The following SSBP2 variants were observed in gnomAD, a reference collection of about 807,000 sequenced individuals.
The protein encoded by SSBP2 is single stranded DNA binding protein 2, also known as single-stranded DNA-binding protein 2.
In SSBP2, 17 loss-of-function variants were observed where a neutral mutation model predicts 61.8. The ratio of observed to expected loss-of-function variants is 0.28; its 90% CI spans 0.19 to 0.41. The LOEUF is 0.41. Ranked by LOEUF, SSBP2 falls within the 10% of genes least tolerant of loss-of-function variation. The pLI, the probability that SSBP2 is intolerant of heterozygous loss-of-function variation, is 1.00. For synonymous variants in SSBP2, 139 were observed against 141.3 expected, an observed-to-expected ratio of 0.98 and a Z score of 0.12; for missense variants, 310 against 458.7, an observed-to-expected ratio of 0.68 and a Z score of 2.96.
intron 3 of SSBP2, among the ~76,000 whole-genome samples, chr5:81,623,617 G>C (rs1313137605): frequency 2.6e-5 from 4 of 151,918 alleles, no homozygotes; most frequent in African/African-American, 9.7e-5. Flanking sequence ...TTACAGGCTT[G>C]AGCCACCGCG....
At chr5:81,461,221 C>A in intron 9 of SSBP2, 118 bp from the exon 10 acceptor site, 1 of 681,656 alleles carries the variant, frequency 1.5e-6, no homozygotes, top group Non-Finnish European at 2.2e-6. Context: ...TCTAGTTTGG[C>A]ACTGAAATTA....
intron 3 of SSBP2, among the ~76,000 whole-genome samples, chr5:81,620,425 C>T (rs1285628844): frequency 6.6e-6 from 1 of 151,718 alleles, no homozygotes; most frequent in Non-Finnish European, 1.5e-5. Flanking sequence ...TCAAGGAGAA[C>T]CACAAACCAC....
chr5:81,679,447 G>A (rs1752227615), intron 1 of SSBP2, among the ~76,000 whole-genome samples: 1 of 152,176 alleles, frequency 6.6e-6, no homozygotes, highest in Non-Finnish European at 1.5e-5. Context: ...AGGAATGAGA[G>A]GAAGGAATTA....
At chr5:81,460,961 C>A (rs909256196) in intron 10 of SSBP2, 94 bp downstream of exon 10, 1 of 679,070 alleles carries the variant, frequency 1.5e-6, no homozygotes, top group Non-Finnish European at 2.2e-6. Flanking sequence ...TTACTACAAC[C>A]AATTGCAAAG....
intron 1 of SSBP2, among the ~76,000 whole-genome samples, chr5:81,734,336 C>T (rs1756456646): frequency 6.6e-6 from 1 of 152,124 alleles, no homozygotes; most frequent in African/African-American, 2.4e-5. Flanking sequence ...TCTTAAAGGG[C>T]TGGCAAAACT....
chr5:81,642,536 C>A (rs183279223), intron 2 of SSBP2, among the ~76,000 whole-genome samples: 1 of 152,172 alleles, frequency 6.6e-6, no homozygotes, highest in East Asian at 1.9e-4. Flanking sequence ...GAATCATGAA[C>A]AAAAGGTATA....
In SSBP2 at chr5:81,448,830, A is replaced by T. The variant is rs777065668; in HGVS notation, c.688-5T>A. On this transcript the variant is annotated splice_region_variant and splice_polypyrimidine_tract_variant and intron_variant, in intron 10 of 16. Transcript: ENST00000320672. ...AGATGCTGAGGAGTATGGTATCTGGAACACGAATAGGACAAAAAAATTTTT... is the reference window on the plus strand; with the variant it reads ...AGATGCTGAGGAGTATGGTATCTGGTACACGAATAGGACAAAAAAATTTTT... 1 of 1,612,596 alleles carries T rather than the reference A, an allele frequency of 6.2e-7. No individual in the cohort carries two copies. Among genetic ancestry groups the T allele is most frequent in the African/African-American group, 1.3e-5 (1 of 74,878 alleles).
intron 6 of SSBP2, among the ~76,000 whole-genome samples, chr5:81,482,425 T>C (rs1432582624): frequency 6.6e-6 from 1 of 152,130 alleles, no homozygotes; most frequent in East Asian, 1.9e-4. Flanking sequence ...CTTCCAACAG[T>C]TTAGTGTAGT....
intron 8 of SSBP2, among the ~76,000 whole-genome samples, chr5:81,470,419 A>G (rs1478558968): frequency 6.6e-6 from 1 of 151,870 alleles, no homozygotes; most frequent in Non-Finnish European, 1.5e-5. Context: ...TAGATTTAAA[A>G]TAGATTAAGG....
At chr5:81,604,572 A>G (rs1744696993) in intron 4 of SSBP2, among the ~76,000 whole-genome samples, 1 of 152,120 alleles carries the variant, frequency 6.6e-6, no homozygotes, top group Non-Finnish European at 1.5e-5. Context: ...AAAAATTTTT[A>G]GCTGATCCAA....
intron 1 of SSBP2, among the ~76,000 whole-genome samples, chr5:81,731,183 T>A (rs1483859981): frequency 6.6e-6 from 1 of 152,212 alleles, no homozygotes; most frequent in Non-Finnish European, 1.5e-5. Context: ...ACAATATCTA[T>A]CTCATTGGGA....
intron 4 of SSBP2, among the ~76,000 whole-genome samples, chr5:81,594,508 G>A (rs1372425252): frequency 2.6e-5 from 4 of 152,116 alleles, no homozygotes; most frequent in Admixed American, 2.0e-4. Context: ...GACATTTACA[G>A]AACTCTCCAC....
intron 10 of SSBP2, among the ~76,000 whole-genome samples, chr5:81,453,035 G>A (rs191368020): frequency 6.2e-4 from 94 of 152,062 alleles, no homozygotes; most frequent in African/African-American, 2.2e-3. Context: ...CAGCTCACAC[G>A]TGTAATCCCA....
intron 1 of SSBP2, among the ~76,000 whole-genome samples, chr5:81,680,251 G>A (rs1250582121): frequency 6.7e-6 from 1 of 150,226 alleles, no homozygotes; most frequent in Non-Finnish European, 1.5e-5. Context: ...ATAATCATAT[G>A]AGCCAATCCC....
chr5:81,488,390 CTT>C (rs1362456845), intron 6 of SSBP2, among the ~76,000 whole-genome samples: 1 of 151,912 alleles, frequency 6.6e-6, no homozygotes, highest in East Asian at 1.9e-4. Flanking sequence ...CTTGTTATCT[CTT>C]GTCTTTTTGA....
chr5:81,626,990 T>A (rs1747232706), intron 3 of SSBP2, among the ~76,000 whole-genome samples: 1 of 152,200 alleles, frequency 6.6e-6, no homozygotes, highest in Non-Finnish European at 1.5e-5. Context: ...AAATGTTATG[T>A]ATTTTACAGT....
chr5:81,474,901 T>G (rs1038750633), intron 6 of SSBP2, among the ~76,000 whole-genome samples: 2 of 152,168 alleles, frequency 1.3e-5, no homozygotes, highest in Admixed American at 6.5e-5. Flanking sequence ...AATAACTAAT[T>G]TTGCTTCTTA....
intron 8 of SSBP2, among the ~76,000 whole-genome samples, chr5:81,471,327 C>G (rs1296147714): frequency 6.6e-6 from 1 of 151,690 alleles, no homozygotes; most frequent in Admixed American, 6.6e-5. Context: ...AAAACTGATT[C>G]TTAAATCAGA....
At chr5:81,705,797 C>T (rs1342551715) in intron 1 of SSBP2, among the ~76,000 whole-genome samples, 2 of 151,998 alleles carry the variant, frequency 1.3e-5, no homozygotes, top group African/African-American at 4.8e-5. Context: ...AGGTTGGGAA[C>T]CAAACATACC....
Sources: allele counts gnomAD v4.1 joint callset (sites outside exome capture counted in the v4.1 genomes callset), GRCh38; gene constraint gnomAD v4.1.1; transcripts MANE v1.5; gene names NCBI Gene and HGNC (gene_info 2026-07-23, HGNC 2026-07-21).